The following ASCC3 variants were observed in gnomAD, a reference collection of about 807,000 sequenced individuals.
ASCC3 encodes activating signal cointegrator 1 complex subunit 3, also known as ASC-1 complex subunit P200.
ASCC3 carries 158 observed loss-of-function variants against 256.3 expected under a neutral mutation model. The observed-to-expected ratio is 0.62, with a 90% CI of 0.54 to 0.70. ASCC3 has a LOEUF of 0.70. Ranked by LOEUF, ASCC3 falls within the 30% of genes least tolerant of loss-of-function variation. The pLI, the probability that ASCC3 is intolerant of heterozygous loss-of-function variation, is 0.00. For synonymous variants in ASCC3, 948 were observed against 883.4 expected, an observed-to-expected ratio of 1.07 and a Z score of -1.30; for missense variants, 2,259 against 2,626.0, an observed-to-expected ratio of 0.86 and a Z score of 3.05.
At chr6:100,668,275 AT>A (rs1196716316) in intron 14 of ASCC3, among the ~76,000 whole-genome samples, 1 of 152,060 alleles carries the variant, frequency 6.6e-6, no homozygotes, top group Non-Finnish European at 1.5e-5. Context: ...CAAAACGAAA[AT>A]ATCACAATTT....
At chr6:100,642,061 T>C (rs1775149420) in intron 24 of ASCC3, among the ~76,000 whole-genome samples, 2 of 151,406 alleles carry the variant, frequency 1.3e-5, no homozygotes, top group Admixed American at 6.6e-5. Flanking sequence ...ATACCTAATG[T>C]TAAATGACGA....
intron 8 of ASCC3, among the ~76,000 whole-genome samples, chr6:100,789,388 A>G (rs1189264024): frequency 6.6e-6 from 1 of 151,948 alleles, no homozygotes; most frequent in Admixed American, 6.6e-5. Context: ...AGTGCTTTTA[A>G]AAACAGGTTC....
At chr6:100,772,434 A>C (rs1486421902) in intron 8 of ASCC3, among the ~76,000 whole-genome samples, 1 of 152,240 alleles carries the variant, frequency 6.6e-6, no homozygotes, top group Admixed American at 6.5e-5. Flanking sequence ...AAATGGATAA[A>C]CAAAATGTTA....
Position 100,565,347 on chromosome 6 carries a change from GA to G in ASCC3, c.5550+24286del, listed in dbSNP as rs147388793. Among the ~76,000 whole-genome samples, 246 of 152,198 alleles carry G rather than the reference GA, an allele frequency of 1.6e-3. 10 individuals carry two copies. The East Asian group carries it at 0.045, about 28-fold the overall frequency. The stretch of plus-strand genomic sequence containing the variant: ...TTCAAGCCCAAGTTCCTAATTCAAA[GA>G]AGTGCTAATCCATTTGCAAAGCGTC... On this transcript the variant is annotated intron_variant, in intron 36 of 41. Transcript: ENST00000369162.
chr6:100,766,675 C>T lies in ASCC3; in HGVS notation c.1627G>A (p.Ala543Thr). ...IVYVAPMKAL[A>T]AEMTDYFSRR... Reference sequence around the variant, plus strand: ...CTGAAGTAATCTGTCATTTCAGCTGCCAAGGCTTTCATTGGAGCAACATAT... The same window carrying T: ...CTGAAGTAATCTGTCATTTCAGCTGTCAAGGCTTTCATTGGAGCAACATAT... The change falls in exon 10 of 42, where the codon GCA (alanine) becomes ACA (threonine). Residue 543 changes from alanine (A) to threonine (T), a missense_variant. Physicochemically the swap from Ala to Thr is moderately conservative, Grantham distance 58. Coordinates refer to ENST00000369162, the MANE Select transcript of ASCC3 (RefSeq NM_006828.4). 6.2e-7 allele frequency: 1 copy of T among 1,613,972 alleles called. No homozygotes were observed. Among genetic ancestry groups the T allele is most frequent in the Non-Finnish European group, 8.5e-7 (1 of 1,179,934 alleles).
At chr6:100,601,265 G>C (rs1026931470) in intron 34 of ASCC3, among the ~76,000 whole-genome samples, 1 of 152,010 alleles carries the variant, frequency 6.6e-6, no homozygotes, top group African/African-American at 2.4e-5. Flanking sequence ...CTAAAGATCA[G>C]CCCTTAAAAA....
At chr6:100,741,805 T>C (rs1429303622) in intron 10 of ASCC3, among the ~76,000 whole-genome samples, 2 of 152,214 alleles carry the variant, frequency 1.3e-5, no homozygotes, top group African/African-American at 4.8e-5. Context: ...ATTCTTAGCT[T>C]CTTTGTACTA....
At chr6:100,583,229 G>T (rs149459370) in intron 36 of ASCC3, among the ~76,000 whole-genome samples, 3 of 152,076 alleles carry the variant, frequency 2.0e-5, no homozygotes, top group Admixed American at 1.3e-4. Context: ...ACTCTTTTTC[G>T]TTGGTAAGCT....
At chr6:100,551,928 G>A (rs1466693807) in intron 36 of ASCC3, among the ~76,000 whole-genome samples, 1 of 151,750 alleles carries the variant, frequency 6.6e-6, no homozygotes, top group East Asian at 1.9e-4. Context: ...GGTGTGGGAT[G>A]AGGTGGTGGA....
At chr6:100,524,642 C>A (rs1774473014) in intron 37 of ASCC3, among the ~76,000 whole-genome samples, 1 of 152,036 alleles carries the variant, frequency 6.6e-6, no homozygotes, top group Non-Finnish European at 1.5e-5. Context: ...CCCCTAAAAT[C>A]TAAACTTCAG....
chr6:100,766,426 G>A (rs895172342), intron 10 of ASCC3, 139 bp downstream of exon 10: 5 of 904,502 alleles, frequency 5.5e-6, no homozygotes, highest in Non-Finnish European at 8.5e-6. Context: ...ACAGAGACAA[G>A]ATGTGGTTAC....
chr6:100,790,446 CA>C (rs774791429), intron 8 of ASCC3, among the ~76,000 whole-genome samples: 3 of 151,824 alleles, frequency 2.0e-5, no homozygotes, highest in Non-Finnish European at 4.4e-5. Context: ...TACTGATGAC[CA>C]ATAACCAATA....
intron 14 of ASCC3, among the ~76,000 whole-genome samples, chr6:100,663,400 C>T (rs1776321497): frequency 6.6e-6 from 1 of 152,048 alleles, no homozygotes; most frequent in African/African-American, 2.4e-5. Flanking sequence ...TTCCATCCAG[C>T]CCAGAAAATG....
chr6:100,747,060 C>T (rs1780712037), intron 10 of ASCC3, among the ~76,000 whole-genome samples: 1 of 150,502 alleles, frequency 6.6e-6, no homozygotes, highest in South Asian at 2.1e-4. Flanking sequence ...AATTGCAAGA[C>T]AAACTACCCA....
intron 36 of ASCC3, among the ~76,000 whole-genome samples, chr6:100,581,532 T>C (rs1241087012): frequency 4.6e-5 from 7 of 151,834 alleles, no homozygotes; most frequent in South Asian, 2.1e-4. Flanking sequence ...ATTTTGTAGG[T>C]TGCCTGTTCA....
chr6:100,759,712 T>C (rs572188516), intron 10 of ASCC3, among the ~76,000 whole-genome samples: 34 of 152,314 alleles, frequency 2.2e-4, no homozygotes, highest in African/African-American at 7.7e-4. Context: ...GGTAGACTGA[T>C]AGGAATAGCA....
intron 36 of ASCC3, among the ~76,000 whole-genome samples, chr6:100,543,741 GA>G (rs1011111253): frequency 7.9e-5 from 12 of 151,404 alleles, no homozygotes; most frequent in African/African-American, 2.4e-4. Context: ...TGGAGAAACA[GA>G]AAAAAAATCA....
intron 1 of ASCC3, among the ~76,000 whole-genome samples, chr6:100,874,420 C>T (rs906249507): frequency 1.4e-5 from 2 of 140,618 alleles, no homozygotes; most frequent in South Asian, 2.3e-4. Flanking sequence ...GAGCAGAGAT[C>T]GCACCATTGC....
At chr6:100,844,165 A>G (rs1772281536) in intron 4 of ASCC3, among the ~76,000 whole-genome samples, 1 of 147,258 alleles carries the variant, frequency 6.8e-6, no homozygotes, top group African/African-American at 2.5e-5. Flanking sequence ...ATCTGATGGC[A>G]TACTAGATAG....
Sources: allele counts gnomAD v4.1 joint callset (sites outside exome capture counted in the v4.1 genomes callset), GRCh38; gene constraint gnomAD v4.1.1; transcripts MANE v1.5; gene names NCBI Gene and HGNC (gene_info 2026-07-23, HGNC 2026-07-21).